Variants in CSNK1E observed in about 807,000 individuals in gnomAD.
The protein encoded by CSNK1E is casein kinase 1 epsilon.
A neutral mutation model predicts 46.1 loss-of-function variants in CSNK1E; 17 were observed. The observed-to-expected ratio is 0.37, with a 90% CI of 0.25 to 0.55. The LOEUF (loss-of-function observed/expected upper bound fraction) is 0.55. Among genes scored for constraint, CSNK1E ranks in the 20% least tolerant of loss-of-function variants. The probability of loss-of-function intolerance (pLI) is 0.82; values close to 1 mark genes in which losing one functional copy is unlikely to be tolerated. For missense variants in CSNK1E, 386 were observed against 595.4 expected, an observed-to-expected ratio of 0.65 and a Z score of 3.66; for synonymous variants, 241 against 242.6, an observed-to-expected ratio of 0.99 and a Z score of 0.06.
Position 38,300,648 on chromosome 22 carries a change from G to C in CSNK1E, c.565+76C>G, listed in dbSNP as rs2092666500. ...GCCTGGGGGCCTCCATCAGGGTAGG[G>C]GGTGAGAGGGCTCCAGAGAGCTGGG... On this transcript the variant is annotated intron_variant, in intron 5 of 10. Transcript: ENST00000396832. This position sits in a 1 kb window ranked among gnomAD's most constrained non-coding sequence, Gnocchi z 4.4. The C allele has an allele frequency of 7.1e-7, 1 of 1,405,852 alleles. No homozygotes were observed. Among genetic ancestry groups the C allele is most frequent in the African/African-American group, 1.4e-5 (1 of 70,540 alleles). The allele number at this position is 1,405,852 out of a possible 1,614,324, so 87.1% of individuals were successfully genotyped here. A position where few individuals can be genotyped will look rare whatever the true frequency, so the allele number is the denominator to read the frequency against.
chr22:38,294,399 G>C lies in CSNK1E; in HGVS notation c.1021C>G (p.Leu341Val). 2 of 1,556,638 alleles carry C rather than the reference G, an allele frequency of 1.3e-6. No homozygotes were observed. The highest frequency in any genetic ancestry group is 1.7e-6 in the Non-Finnish European group (2 of 1,153,566). ...GCCACGGGCTCGGCGGCACTGCGGA[G>C]CCGGTTGGCAGTGGCCCCCGTGGGT... ...GPPTGATANRLRSAAEPVAST... is the reference protein window; with the variant it reads ...GPPTGATANRVRSAAEPVAST... Residue 341 changes from leucine (L) to valine (V), a missense_variant, in exon 8 of 11, where the codon CTC becomes GTC. This residue lies in a region of CSNK1E where 174 missense variants were observed against 185.2 expected (regional missense o/e 0.94). Transcript: ENST00000396832. The surrounding 1 kb of genome is among the most constrained non-coding windows in gnomAD (Gnocchi z 5.5).
chr22:38,314,469 C>T (rs1355592296), intron 1 of CSNK1E, among the ~76,000 whole-genome samples: 1 of 152,166 alleles, frequency 6.6e-6, no homozygotes, highest in African/African-American at 2.4e-5. Context: ...GGGCATCAGC[C>T]CTCTTACACC....
intron 7 of CSNK1E, among the ~76,000 whole-genome samples, chr22:38,295,026 CTAGGA>C (rs1569075264): frequency 1.3e-5 from 2 of 152,198 alleles, no homozygotes; most frequent in African/African-American, 4.8e-5. Flanking sequence ...GAAGGCTGGG[CTAGGA>C]CTCAGACCAG....
At chr22:38,310,771 T>C (rs1438027263) in intron 2 of CSNK1E, among the ~76,000 whole-genome samples, 1 of 152,166 alleles carries the variant, frequency 6.6e-6, no homozygotes, top group Non-Finnish European at 1.5e-5. Flanking sequence ...GCCACATCCA[T>C]AGTGTGCTGG....
At chr22:38,297,253 C>A in intron 7 of CSNK1E, 1 of 691,022 alleles carries the variant, frequency 1.4e-6, no homozygotes, top group Non-Finnish European at 2.7e-6. Flanking sequence ...TAAGAAAGTG[C>A]CCAGTGCCCA....
intron 7 of CSNK1E, chr22:38,296,861 G>T: frequency 1.4e-6 from 1 of 736,362 alleles, no homozygotes; most frequent in Admixed American, 2.8e-5. Context: ...TCCAATCTCT[G>T]CCTCCTGGGT....
At chr22:38,307,061 C>T (rs1033339302) in intron 2 of CSNK1E, among the ~76,000 whole-genome samples, 1 of 152,050 alleles carries the variant, frequency 6.6e-6, no homozygotes, top group Non-Finnish European at 1.5e-5. Flanking sequence ...GTCCCAGCTA[C>T]CTGGGAGGCT....
At position 38,294,588 on chromosome 22, in the gene CSNK1E, G is replaced by A; in HGVS notation, c.886-54C>T. 1 of 1,504,788 alleles carries A rather than the reference G, an allele frequency of 6.6e-7. No individual in the cohort carries two copies. The highest frequency in any genetic ancestry group is 1.2e-5 in the South Asian group (1 of 80,668). 93.2% of individuals were successfully genotyped at this position (1,504,788 alleles called of 1,614,324 possible). A position where few individuals can be genotyped will look rare whatever the true frequency, so the allele number is the denominator to read the frequency against. On this transcript the variant is annotated intron_variant, in intron 7 of 10. Coordinates refer to ENST00000396832, the MANE Select transcript of CSNK1E (RefSeq NM_152221.3). The surrounding 1 kb of genome is among the most constrained non-coding windows in gnomAD (Gnocchi z 5.5). ...CAGCCCCAGAGGCCAGGGTGCTCTG[G>A]GCCCAGCAGCCCTGCAGGGCACAGA...
At chr22:38,314,868 G>C (rs994399360) in intron 1 of CSNK1E, among the ~76,000 whole-genome samples, 2 of 152,122 alleles carry the variant, frequency 1.3e-5, no homozygotes, top group African/African-American at 4.8e-5. Flanking sequence ...CCAGGGGGGA[G>C]CCCTCTGCTC....
intron 1 of CSNK1E, chr22:38,316,877 G>A (rs1309064244): frequency 6.6e-6 from 1 of 152,028 alleles, no homozygotes; most frequent in African/African-American, 2.4e-5. Context: ...GGCCGGCCGG[G>A]GCCTCGGAGG....
intron 2 of CSNK1E, among the ~76,000 whole-genome samples, chr22:38,306,599 C>T (rs575007334): frequency 1.6e-4 from 25 of 152,262 alleles, no homozygotes; most frequent in African/African-American, 5.3e-4. Flanking sequence ...GGCGTAGTGG[C>T]GCACGCCTGT....
chr22:38,298,208 T>C lies in CSNK1E; in HGVS notation c.885+578A>G. 7.7e-7 allele frequency: 1 copy of C among 1,303,638 alleles called. No homozygotes were observed. The highest frequency in any genetic ancestry group is 1.0e-6 in the Non-Finnish European group (1 of 988,792). 80.8% of individuals were successfully genotyped at this position (1,303,638 alleles called of 1,614,324 possible). Reference sequence around the variant, plus strand: ...AGCCTGGCTCGAGGAAGCCCCCTTTTCCAGAAGAGATGTGAAACAAGACAT... The same window carrying C: ...AGCCTGGCTCGAGGAAGCCCCCTTTCCCAGAAGAGATGTGAAACAAGACAT... On this transcript the variant is annotated intron_variant, in intron 7 of 10. Transcript: ENST00000396832. The surrounding 1 kb of genome is among the most constrained non-coding windows in gnomAD (Gnocchi z 4.2).
At position 38,293,108 on chromosome 22, in the gene CSNK1E, TGAGGCCCCTTA is replaced by T. The variant is rs2092619997; in HGVS notation, c.*32+136_*32+146del. On this transcript the variant is annotated intron_variant, in intron 10 of 10. Transcript: ENST00000396832. The stretch of plus-strand genomic sequence containing the variant: ...GCAGCCTCCGAGGTTTTAAACTACT[TGAGGCCCCTTA>T]GAGTTCTGGGGCGCCTGGTACCATC... 18 of 703,520 alleles carry T rather than the reference TGAGGCCCCTTA, an allele frequency of 2.6e-5. No homozygotes were observed. The South Asian group carries it at 2.7e-4, about 10-fold the overall frequency. 43.6% of individuals were successfully genotyped at this position (703,520 alleles called of 1,614,324 possible).
At chr22:38,313,911 T>G (rs1190070821) in intron 2 of CSNK1E, among the ~76,000 whole-genome samples, 171 bp downstream of exon 2, 1 of 152,168 alleles carries the variant, frequency 6.6e-6, no homozygotes, top group African/African-American at 2.4e-5. Flanking sequence ...AGGAGCCCCC[T>G]GGCCTGCCTC....
intron 4 of CSNK1E, among the ~76,000 whole-genome samples, chr22:38,302,132 G>A (rs2092675929): frequency 6.6e-6 from 1 of 152,214 alleles, no homozygotes; most frequent in African/African-American, 2.4e-5. Flanking sequence ...GGCTCAGAGA[G>A]GTTCGGCGTT....
At chr22:38,293,391 G>C in intron 9 of CSNK1E, 72 bp from the exon 10 acceptor site, 1 of 956,542 alleles carries the variant, frequency 1.0e-6, no homozygotes, top group South Asian at 1.4e-5. Flanking sequence ...AAGTCCCTTA[G>C]CCGCTGGCGA....
At chr22:38,297,575 C>T (rs1796335434) in intron 7 of CSNK1E, 37 of 1,000,770 alleles carry the variant, frequency 3.7e-5, no homozygotes, top group Admixed American at 5.7e-5. Flanking sequence ...TGGCTGAGGG[C>T]CCTGCCATGA....
Position 38,296,339 on chromosome 22 carries a change from G to C in CSNK1E, c.886-1805C>G, listed in dbSNP as rs2092640330. 3 of 1,354,462 alleles carry C rather than the reference G, an allele frequency of 2.2e-6. No individual in the cohort carries two copies. In the South Asian group the frequency reaches 5.6e-5, roughly 25 times the overall value. 83.9% of individuals were successfully genotyped at this position (1,354,462 alleles called of 1,614,324 possible). A position where few individuals can be genotyped will look rare whatever the true frequency, so the allele number is the denominator to read the frequency against. Reference sequence around the variant, plus strand: ...TTCCCGGCCAGCTGACTGGACCTCGGAACACAGTGGCTGTATGTGCTGAGA... The same window carrying C: ...TTCCCGGCCAGCTGACTGGACCTCGCAACACAGTGGCTGTATGTGCTGAGA... On this transcript the variant is annotated intron_variant, in intron 7 of 10. Transcript: ENST00000396832.
intron 9 of CSNK1E, 176 bp downstream of exon 9, chr22:38,293,933 G>A (rs1418493690): frequency 2.8e-6 from 2 of 715,876 alleles, no homozygotes; most frequent in Admixed American, 2.9e-5. Context: ...TGCTCAAGAG[G>A]GCTCATCAGA....
Sources: allele counts gnomAD v4.1 joint callset (sites outside exome capture counted in the v4.1 genomes callset), GRCh38; gene constraint gnomAD v4.1.1; regional missense constraint gnomAD v4.1.1; non-coding constraint Gnocchi (gnomAD v3.1); transcripts MANE v1.5; gene names NCBI Gene and HGNC (gene_info 2026-07-23, HGNC 2026-07-21).